Variants in PCDHGA4 observed in about 807,000 individuals in gnomAD.
PCDHGA4 encodes protocadherin gamma subfamily A, 4.
PCDHGA4 carries 38 observed loss-of-function variants against 54.6 expected under a neutral mutation model. The observed-to-expected ratio is 0.70, with a 90% CI of 0.54 to 0.91. The LOEUF (loss-of-function observed/expected upper bound fraction) is 0.91. Among genes scored for constraint, PCDHGA4 ranks in the 40% least tolerant of loss-of-function variants. The pLI is 0.00. For missense variants in PCDHGA4, 1,298 were observed against 1,220.9 expected, an observed-to-expected ratio of 1.06 and a Z score of -0.94; for synonymous variants, 511 against 512.9, an observed-to-expected ratio of 1.00 and a Z score of 0.05.
intron 1 of PCDHGA4, chr5:141,394,142 A>G (rs751602442): frequency 6.2e-7 from 1 of 1,613,996 alleles, no homozygotes; most frequent in Non-Finnish European, 8.5e-7. Flanking sequence ...TGCACGTGGC[A>G]GACATTAACG....
rs1040028231 is a variant in PCDHGA4, at chr5:141,485,542, C to T, written c.2515-9265C>T. 6.8e-6 allele frequency: 11 copies of T among 1,613,900 alleles called. No individual in the cohort carries two copies. Among genetic ancestry groups the T allele is most frequent in the Admixed American group, 6.7e-5 (4 of 59,996 alleles). On this transcript the variant is annotated intron_variant, in intron 1 of 3. Coordinates refer to ENST00000571252, the MANE Select transcript of PCDHGA4 (RefSeq NM_018917.4). The surrounding 1 kb of genome is among the most constrained non-coding windows in gnomAD (Gnocchi z 5.7). ...AAATGTACCGAGCAGAGGTAGAGAT[C>T]GTAGATGTGAATGATCACGCCCCCC...
chr5:141,503,777 G>A (rs2099830497), intron 2 of PCDHGA4, among the ~76,000 whole-genome samples: 1 of 152,074 alleles, frequency 6.6e-6, no homozygotes, highest in South Asian at 2.1e-4. Context: ...TCTGTTCTTA[G>A]GCTGAGTTCA....
intron 1 of PCDHGA4, chr5:141,415,748 T>A: frequency 9.9e-7 from 1 of 1,008,964 alleles, no homozygotes; most frequent in Non-Finnish European, 1.2e-6. Context: ...AGGTTTTTTT[T>A]TTTTTTTTTT....
At chr5:141,370,971 G>T in intron 1 of PCDHGA4, 1 of 1,614,016 alleles carries the variant, frequency 6.2e-7, no homozygotes, top group Non-Finnish European at 8.5e-7. Context: ...TAGGTACCCA[G>T]AGCTAGTACT....
At chr5:141,424,078 T>C in intron 1 of PCDHGA4, 1 of 975,828 alleles carries the variant, frequency 1.0e-6, no homozygotes, top group South Asian at 4.8e-5. Context: ...GTAGTTATAT[T>C]CCACCATTAT....
At chr5:141,386,815 T>G (rs1043016890) in intron 1 of PCDHGA4, among the ~76,000 whole-genome samples, 22 of 152,220 alleles carry the variant, frequency 1.4e-4, no homozygotes, top group African/African-American at 4.8e-4. Context: ...TGCATAAAAT[T>G]GTTTTTAAGC....
intron 1 of PCDHGA4, chr5:141,384,354 C>A (rs1437330360): frequency 6.2e-7 from 1 of 1,613,844 alleles, no homozygotes; most frequent in Non-Finnish European, 8.5e-7. Context: ...AGGATAATGC[C>A]CAGATCACTT....
At chr5:141,387,714 A>G in intron 1 of PCDHGA4, 1 of 1,059,158 alleles carries the variant, frequency 9.4e-7, no homozygotes, top group East Asian at 2.6e-5. Context: ...GCCCCAGCTC[A>G]GACTCCCCAG....
Position 141,409,599 on chromosome 5 carries a change from C to A in PCDHGA4, c.2514+51978C>A, listed in dbSNP as rs753753955. The A allele has an allele frequency of 9.9e-6, 16 of 1,613,822 alleles. No individual in the cohort carries two copies. The Admixed American group carries it at 2.2e-4, about 22-fold the overall frequency. ...GTGGTCCACGTGGCCGAGAACAACC[C>A]GCCAGGAGCCTCCATTGCGCAAGTG... On this transcript the variant is annotated intron_variant, in intron 1 of 3. Transcript: ENST00000571252.
At chr5:141,393,171 G>C (rs768471669) in intron 1 of PCDHGA4, 10 of 1,613,150 alleles carry the variant, frequency 6.2e-6, no homozygotes, top group Admixed American at 1.7e-5. Context: ...CTTTGGGGTA[G>C]AAATAGAAAT....
In PCDHGA4 at chr5:141,491,665, C is replaced by A; in HGVS notation, c.2515-3142C>A. 1 of 1,613,764 alleles carries A rather than the reference C, an allele frequency of 6.2e-7. No individual in the cohort carries two copies. Among genetic ancestry groups the A allele is most frequent in the Admixed American group, 1.7e-5 (1 of 60,034 alleles). On this transcript the variant is annotated intron_variant, in intron 1 of 3. Coordinates refer to ENST00000571252, the MANE Select transcript of PCDHGA4 (RefSeq NM_018917.4). The surrounding 1 kb of genome is among the most constrained non-coding windows in gnomAD (Gnocchi z 6.9). ...TCTGGCGCTGGAGCCTGACGCCATCCGGTCCCGCTCTAATACGCTGCGGGA... is the reference window on the plus strand; with the variant it reads ...TCTGGCGCTGGAGCCTGACGCCATCAGGTCCCGCTCTAATACGCTGCGGGA...
At chr5:141,409,075 G>A (rs1416534881) in intron 1 of PCDHGA4, 2 of 1,613,904 alleles carry the variant, frequency 1.2e-6, no homozygotes, top group East Asian at 2.2e-5. Flanking sequence ...CAAAACATAT[G>A]TTCTCATTGG....
At chr5:141,366,097 C>G in intron 1 of PCDHGA4, 2 of 1,614,240 alleles carry the variant, frequency 1.2e-6, no homozygotes, top group African/African-American at 1.3e-5. Flanking sequence ...ACCTGGTGAC[C>G]AAGGTGGTAG....
chr5:141,366,186 T>C, intron 1 of PCDHGA4: 1 of 1,613,974 alleles, frequency 6.2e-7, no homozygotes, highest in Non-Finnish European at 8.5e-7. Context: ...CTCTTTGCGG[T>C]TGGGCTGCAC....
rs370237298 is a variant in PCDHGA4 at position 141,487,298 on chromosome 5, G to A, written c.2515-7509G>A. ...TTGCTTTGTCTCCTTTGGCTCATTCGTGGCACTACTCTCTAAGTGTCTTCG... is the reference window on the plus strand; with the variant it reads ...TTGCTTTGTCTCCTTTGGCTCATTCATGGCACTACTCTCTAAGTGTCTTCG... On this transcript the variant is annotated intron_variant, in intron 1 of 3. Coordinates refer to ENST00000571252, the MANE Select transcript of PCDHGA4 (RefSeq NM_018917.4). The surrounding 1 kb of genome is among the most constrained non-coding windows in gnomAD (Gnocchi z 5.0). The A allele has an allele frequency of 3.2e-5, 51 of 1,614,072 alleles. 1 individual carries two copies. Among genetic ancestry groups the A allele is most frequent in the South Asian group, 5.5e-5 (5 of 91,082 alleles).
Position 141,357,310 on chromosome 5 carries a change from T to C in PCDHGA4, c.2203T>C (p.Phe735Leu), listed in dbSNP as rs1286451893. The C allele has an allele frequency of 1.2e-6, 2 of 1,613,980 alleles. No individual in the cohort carries two copies. Among genetic ancestry groups the C allele is most frequent in the Non-Finnish European group, 1.7e-6 (2 of 1,179,940 alleles). The stretch of plus-strand genomic sequence containing the variant: ...GGCAGTGGCCGCTGTCTCCTGCGTC[T>C]TCCTGGCTTTTGTCACGGTGCTGCT... ...VVAVAAVSCV[F>L]LAFVTVLLAL... Residue 735 changes from phenylalanine (F) to leucine (L), a missense_variant, in exon 1 of 4, where the codon TTC becomes CTC. Physicochemically the swap from Phe to Leu is conservative, Grantham distance 22. Coordinates refer to ENST00000571252, the MANE Select transcript of PCDHGA4 (RefSeq NM_018917.4).
chr5:141,404,435 A>G, intron 1 of PCDHGA4: 2 of 1,613,032 alleles, frequency 1.2e-6, no homozygotes, highest in South Asian at 2.2e-5. Flanking sequence ...GGCAGAGGAT[A>G]CCATCCAAGG....
chr5:141,399,833 C>T (rs1233031581), intron 1 of PCDHGA4: 1 of 1,613,140 alleles, frequency 6.2e-7, no homozygotes, highest in Non-Finnish European at 8.5e-7. Context: ...GACGGCTCTG[C>T]GCTCTTCGAT....
rs779735897 is a variant in PCDHGA4 at position 141,422,336 on chromosome 5, TA to T, written c.2514+64718del. 34 of 1,550,032 alleles carry T rather than the reference TA, an allele frequency of 2.2e-5. No individual in the cohort carries two copies. The East Asian group carries it at 7.2e-4, about 33-fold the overall frequency. On this transcript the variant is annotated intron_variant, in intron 1 of 3. Coordinates refer to ENST00000571252, the MANE Select transcript of PCDHGA4 (RefSeq NM_018917.4). ...CCTCCAGGTACAGTGATTGCTCTTC[TA>T]AATGTGCAAGATCAAGATTCTGGAG... is the stretch of plus-strand genomic sequence containing the variant.
Sources: gnomAD v4.1 joint callset for allele counts (sites outside exome capture counted in the v4.1 genomes callset) on GRCh38, gnomAD v4.1.1 for gene constraint, Gnocchi (gnomAD v3.1) non-coding constraint, MANE v1.5 for transcripts, NCBI Gene and HGNC (gene_info 2026-07-23, HGNC 2026-07-21) for gene names.